The following UNC79 variants were observed in gnomAD, a reference collection of about 807,000 sequenced individuals.
UNC79 encodes unc-79 subunit of NALCN channel complex.
In UNC79, 37 loss-of-function variants were observed where a neutral mutation model predicts 283.1. That is an observed-to-expected ratio of 0.13 (90% CI 0.10 to 0.17). The LOEUF (loss-of-function observed/expected upper bound fraction) is 0.17. Ranked by LOEUF, UNC79 falls within the 10% of genes least tolerant of loss-of-function variation. UNC79 has a pLI of 1.00. For missense variants in UNC79, 2,272 were observed against 3,211.1 expected (o/e 0.71, Z 7.07); for synonymous variants, 1,107 against 1,200.2 (o/e 0.92, Z 1.61).
chr14:93,352,893 C>A (rs1056731841), intron 1 of UNC79, among the ~76,000 whole-genome samples: 1 of 152,174 alleles, frequency 6.6e-6, no homozygotes, highest in Non-Finnish European at 1.5e-5. Context: ...CATAGCCTAC[C>A]TTAAACGTGC....
chr14:93,528,475 T>C, intron 8 of UNC79, 83 bp from the exon 9 acceptor site: 1 of 1,280,728 alleles, frequency 7.8e-7, no homozygotes, highest in Non-Finnish European at 1.1e-6. Context: ...AAATCTGTCA[T>C]TATTGAAGCA....
chr14:93,674,384 G>T (rs932236494), intron 41 of UNC79, among the ~76,000 whole-genome samples: 2 of 152,158 alleles, frequency 1.3e-5, no homozygotes, highest in Non-Finnish European at 2.9e-5. Context: ...ATGGCATGAG[G>T]ATAGGGTTGA....
At chr14:93,657,755 C>G (rs1368859969) in intron 38 of UNC79, among the ~76,000 whole-genome samples, 1 of 152,068 alleles carries the variant, frequency 6.6e-6, no homozygotes, top group Admixed American at 6.5e-5. Flanking sequence ...AAGTGGCGTG[C>G]CTAATTTGTG....
intron 1 of UNC79, among the ~76,000 whole-genome samples, chr14:93,455,944 G>T (rs964722736): frequency 2.0e-5 from 3 of 149,772 alleles, no homozygotes; most frequent in Non-Finnish European, 4.5e-5. Flanking sequence ...GTGTGTGTGT[G>T]TATGTGTGTG....
chr14:93,691,605 C>T, intron 45 of UNC79, 144 bp from the exon 49 acceptor site: 1 of 802,166 alleles, frequency 1.2e-6, no homozygotes, highest in Non-Finnish European at 2.1e-6. Flanking sequence ...GGTGATGAAT[C>T]ATGACTTTGT....
Position 93,506,487 on chromosome 14 carries a change from A to T in UNC79, c.898+9201A>T, listed in dbSNP as rs182580025. Among the ~76,000 whole-genome samples the T allele has an allele frequency of 5.9e-5, 9 of 152,052 alleles. No individual in the cohort carries two copies. The East Asian group carries it at 1.5e-3, about 26-fold the overall frequency. ...TTTCATACTTTGAAGGTATTTCATG[A>T]TTTTCTCATTTTCATTGTTTCTATA... On this transcript the variant is annotated intron_variant, in intron 7 of 48. Transcript: ENST00000555664.
At chr14:93,460,068 C>T in intron 1 of UNC79, among the ~76,000 whole-genome samples, 1 of 125,316 alleles carries the variant, frequency 8.0e-6, no homozygotes, top group African/African-American at 3.0e-5. Context: ...GTGGCTCACG[C>T]CTGTAATCCC....
At chr14:93,580,908 C>T (rs918207400) in intron 19 of UNC79, among the ~76,000 whole-genome samples, 14 of 151,676 alleles carry the variant, frequency 9.2e-5, no homozygotes, top group African/African-American at 3.4e-4. Context: ...GGGGTTTTGC[C>T]ATGTTGCCCA....
At chr14:93,551,836 A>G (rs1279190341) in intron 14 of UNC79, among the ~76,000 whole-genome samples, 1 of 152,142 alleles carries the variant, frequency 6.6e-6, no homozygotes, top group Non-Finnish European at 1.5e-5. Context: ...ATTCTTAAGG[A>G]AAAAGGGCTG....
intron 1 of UNC79, among the ~76,000 whole-genome samples, chr14:93,360,291 G>T (rs78786989): frequency 5.2e-4 from 79 of 152,228 alleles, no homozygotes; most frequent in African/African-American, 1.9e-3. Flanking sequence ...AAACAATATC[G>T]CATCCCTGGA....
chr14:93,347,813 G>A (rs1462766065), intron 1 of UNC79, among the ~76,000 whole-genome samples: 1 of 151,814 alleles, frequency 6.6e-6, no homozygotes, highest in Non-Finnish European at 1.5e-5. Flanking sequence ...AGAGTGCGAA[G>A]GTTGGAACCG....
chr14:93,337,911 G>C (rs140517073), intron 1 of UNC79, among the ~76,000 whole-genome samples: 153 of 152,222 alleles, frequency 1.0e-3, no homozygotes, highest in Non-Finnish European at 1.9e-3. Context: ...TGGTATGTCT[G>C]GTCCAGCTGC....
chr14:93,356,235 C>G (rs2054084153), intron 1 of UNC79, among the ~76,000 whole-genome samples: 1 of 152,142 alleles, frequency 6.6e-6, no homozygotes, highest in African/African-American at 2.4e-5. Context: ...GTTGGCCAGG[C>G]TGGTCTCAAA....
chr14:93,486,982 T>A lies in UNC79; in HGVS notation c.620-681T>A, dbSNP rs765632003. Among the ~76,000 whole-genome samples the A allele has an allele frequency of 1.2e-3, 175 of 152,162 alleles. 1 individual carries two copies. The highest frequency in any genetic ancestry group is 1.5e-3 in the Non-Finnish European group (103 of 68,032). On this transcript the variant is annotated intron_variant, in intron 4 of 48. Transcript: ENST00000555664. ...CTGTGTTATTCACAGATTCACAAAT[T>A]GCTTTATTTCAAACAACTCAGATGA...
intron 30 of UNC79, among the ~76,000 whole-genome samples, chr14:93,626,580 T>A (rs2067586080): frequency 6.6e-6 from 1 of 152,200 alleles, no homozygotes; most frequent in African/African-American, 2.4e-5. Flanking sequence ...CCTTTCCTTG[T>A]AGCAAAACAT....
chr14:93,541,669 T>C (rs143695097), intron 13 of UNC79, among the ~76,000 whole-genome samples: 1 of 152,256 alleles, frequency 6.6e-6, no homozygotes, highest in East Asian at 1.9e-4. Context: ...TAGTACTCAA[T>C]AGAAGATTAG....
At chr14:93,371,895 A>G (rs2054459587) in intron 1 of UNC79, among the ~76,000 whole-genome samples, 1 of 152,178 alleles carries the variant, frequency 6.6e-6, no homozygotes, top group Middle Eastern at 3.2e-3. Context: ...AAACAAGATG[A>G]TAGTGGAGTG....
chr14:93,452,484 G>A (rs573697413), intron 1 of UNC79, among the ~76,000 whole-genome samples: 1 of 150,812 alleles, frequency 6.6e-6, no homozygotes, highest in South Asian at 2.1e-4. Context: ...CGCCTCCCAG[G>A]TTCAAGCGAT....
chr14:93,682,574 C>T (rs761471412), intron 41 of UNC79, 43 bp from the exon 45 acceptor site: 2 of 1,514,750 alleles, frequency 1.3e-6, no homozygotes, highest in South Asian at 1.2e-5. Context: ...TTATTAATGT[C>T]CAGATACCCT....
Sources: gnomAD v4.1 joint callset for allele counts (sites outside exome capture counted in the v4.1 genomes callset) on GRCh38, gnomAD v4.1.1 for gene constraint, MANE v1.5 for transcripts, NCBI Gene and HGNC (gene_info 2026-07-23, HGNC 2026-07-21) for gene names.